Variants in ADAMTSL1 observed in about 807,000 individuals in gnomAD.
ADAMTSL1 encodes ADAMTS like 1, also known as ADAMTS-like protein 1.
A neutral mutation model predicts 201.8 loss-of-function variants in ADAMTSL1; 126 were observed. The observed-to-expected ratio is 0.62, with a 90% CI of 0.54 to 0.72. ADAMTSL1 has a LOEUF of 0.72. Ranked by LOEUF, ADAMTSL1 falls within the 30% of genes least tolerant of loss-of-function variation. ADAMTSL1 has a pLI of 0.00. For missense variants in ADAMTSL1, 2,679 were observed against 2,277.8 expected, an observed-to-expected ratio of 1.18 and a Z score of -3.59; for synonymous variants, 1,121 against 903.4, an observed-to-expected ratio of 1.24 and a Z score of -4.32.
At chr9:18,436,524 A>G (rs1563959959) in intron 2 of ADAMTSL1, among the ~76,000 whole-genome samples, 2 of 152,080 alleles carry the variant, frequency 1.3e-5, no homozygotes, top group Non-Finnish European at 2.9e-5. Context: ...CTCAACAGAC[A>G]AGCTCCTTCA....
intron 24 of ADAMTSL1, among the ~76,000 whole-genome samples, chr9:18,888,468 G>A (rs931539294): frequency 2.0e-5 from 3 of 152,236 alleles, no homozygotes; most frequent in African/African-American, 7.2e-5. Context: ...TCATTCTGAA[G>A]AGTCTTCAGC....
chr9:18,275,819 A>C (rs571770853), intron 2 of ADAMTSL1, among the ~76,000 whole-genome samples: 5 of 152,236 alleles, frequency 3.3e-5, no homozygotes, highest in African/African-American at 1.2e-4. Context: ...CTGTTATTAC[A>C]TACTTGTGTG....
chr9:18,551,820 C>T (rs747628102), intron 3 of ADAMTSL1, among the ~76,000 whole-genome samples: 1 of 151,770 alleles, frequency 6.6e-6, no homozygotes, highest in Non-Finnish European at 1.5e-5. Flanking sequence ...TCTCTTTCTT[C>T]TCGAATAGTT....
At chr9:18,100,327 C>G (rs1320794102) in intron 1 of ADAMTSL1, among the ~76,000 whole-genome samples, 1 of 152,252 alleles carries the variant, frequency 6.6e-6, no homozygotes, top group East Asian at 1.9e-4. Flanking sequence ...ATCACCCAGG[C>G]TAGAGTACAG....
At chr9:18,276,451 A>G (rs1308346683) in intron 2 of ADAMTSL1, among the ~76,000 whole-genome samples, 1 of 152,150 alleles carries the variant, frequency 6.6e-6, no homozygotes, top group East Asian at 1.9e-4. Flanking sequence ...TTTTCTTCTC[A>G]AAGTTTTATA....
At chr9:18,485,283 G>A (rs1821930981) in intron 1 of ADAMTSL1, among the ~76,000 whole-genome samples, 1 of 152,048 alleles carries the variant, frequency 6.6e-6, no homozygotes, top group Non-Finnish European at 1.5e-5. Context: ...AAAGTCCCAG[G>A]TACATGATTT....
chr9:18,506,493 C>A (rs753127391), intron 2 of ADAMTSL1, among the ~76,000 whole-genome samples: 2 of 152,124 alleles, frequency 1.3e-5, no homozygotes, highest in Admixed American at 6.6e-5. Flanking sequence ...GAGGTAGGAT[C>A]TTTTACTGAG....
chr9:18,059,758 G>T (rs771864968), intron 1 of ADAMTSL1, among the ~76,000 whole-genome samples: 10 of 152,012 alleles, frequency 6.6e-5, no homozygotes, highest in Non-Finnish European at 1.3e-4. Flanking sequence ...TATAAAAGTG[G>T]ATTTCTACCT....
At chr9:18,746,271 G>A (rs1171468470) in intron 15 of ADAMTSL1, among the ~76,000 whole-genome samples, 1 of 152,192 alleles carries the variant, frequency 6.6e-6, no homozygotes, top group Non-Finnish European at 1.5e-5. Context: ...GAACCTGAAA[G>A]GGAGATGCAT....
chr9:17,997,864 C>G (rs1819447147), intron 1 of ADAMTSL1, among the ~76,000 whole-genome samples: 1 of 152,044 alleles, frequency 6.6e-6, no homozygotes, highest in Non-Finnish European at 1.5e-5. Flanking sequence ...TCTTCATGCT[C>G]CTGATACTCC....
At chr9:18,725,990 G>A (rs573453361) in intron 15 of ADAMTSL1, among the ~76,000 whole-genome samples, 22 of 152,252 alleles carry the variant, frequency 1.4e-4, no homozygotes, top group African/African-American at 5.1e-4. Context: ...GACCTACTCT[G>A]TCACTTTCAG....
intron 2 of ADAMTSL1, among the ~76,000 whole-genome samples, chr9:18,515,067 C>A (rs902386183): frequency 6.6e-6 from 1 of 152,092 alleles, no homozygotes; most frequent in Non-Finnish European, 1.5e-5. Context: ...GGAAGTAGTT[C>A]TTAATCCTAG....
intron 2 of ADAMTSL1, among the ~76,000 whole-genome samples, chr9:18,270,325 G>T (rs562217353): frequency 6.6e-6 from 1 of 152,030 alleles, no homozygotes; most frequent in Non-Finnish European, 1.5e-5. Flanking sequence ...TACCATCATC[G>T]AGAGGGTTAG....
intron 2 of ADAMTSL1, among the ~76,000 whole-genome samples, chr9:18,444,601 C>T (rs1040797189): frequency 3.9e-5 from 6 of 152,096 alleles, no homozygotes; most frequent in African/African-American, 1.4e-4. Context: ...CACCTGTGCA[C>T]ACATTAGTTT....
intron 19 of ADAMTSL1, among the ~76,000 whole-genome samples, chr9:18,782,950 G>C (rs982147091): frequency 1.3e-5 from 2 of 152,234 alleles, no homozygotes; most frequent in African/African-American, 4.8e-5. Flanking sequence ...TGGAGACCAA[G>C]GGAAGGGGTT....
chr9:18,131,758 A>C lies in ADAMTSL1; in HGVS notation c.88-32104A>C, dbSNP rs181511661. ...ATCTAGGTGATGACTCCCGAATAAA[A>C]CAGTGAAATAGAAGGGCCAATGGGT... is the stretch of plus-strand genomic sequence containing the variant. On this transcript the variant is annotated intron_variant, in intron 1 of 29. Transcript: ENST00000680146. 2.0e-3 allele frequency among the ~76,000 whole-genome samples: 298 copies of C among 152,252 alleles called. 2 individuals are homozygous for C. The highest frequency in any genetic ancestry group is 6.9e-3 in the African/African-American group (288 of 41,564).
chr9:18,424,310 C>T (rs1819100111), intron 2 of ADAMTSL1, among the ~76,000 whole-genome samples: 1 of 152,184 alleles, frequency 6.6e-6, no homozygotes, highest in African/African-American at 2.4e-5. Flanking sequence ...AGAAGTTGTG[C>T]AATGTCCGGG....
chr9:18,840,216 G>T (rs1411697109), intron 23 of ADAMTSL1, among the ~76,000 whole-genome samples: 1 of 151,852 alleles, frequency 6.6e-6, no homozygotes, highest in Non-Finnish European at 1.5e-5. Context: ...TTTTGTATAA[G>T]GTGTAAGGAA....
intron 1 of ADAMTSL1, among the ~76,000 whole-genome samples, chr9:18,123,786 G>A (rs1312203817): frequency 2.0e-5 from 3 of 152,138 alleles, no homozygotes; most frequent in Non-Finnish European, 4.4e-5. Flanking sequence ...GCCCCTGGCA[G>A]CCATTAATCT....
Sources: allele counts gnomAD v4.1 joint callset (sites outside exome capture counted in the v4.1 genomes callset), GRCh38; gene constraint gnomAD v4.1.1; transcripts MANE v1.5; gene names NCBI Gene and HGNC (gene_info 2026-07-23, HGNC 2026-07-21).